GPC6: variants seen among roughly 807,000 people sequenced by gnomAD.
GPC6 encodes glypican 6, also known as glypican-6.
In GPC6, 14 loss-of-function variants were observed where a neutral mutation model predicts 55.2. The observed-to-expected ratio is 0.25, with a 90% CI of 0.17 to 0.40. The LOEUF (loss-of-function observed/expected upper bound fraction) is 0.40, where lower values mean the gene tolerates loss of function less well. GPC6 is among the 10% of genes least tolerant of loss of function. The pLI, the probability that GPC6 is intolerant of heterozygous loss-of-function variation, is 1.00. For synonymous variants in GPC6, 278 were observed against 259.6 expected, an observed-to-expected ratio of 1.07 and a Z score of -0.68; for missense variants, 641 against 708.5, an observed-to-expected ratio of 0.90 and a Z score of 1.08.
chr13:93,247,155 A>G (rs556898034), intron 1 of GPC6, among the ~76,000 whole-genome samples: 3 of 152,244 alleles, frequency 2.0e-5, no homozygotes, highest in African/African-American at 2.4e-5. Context: ...TTCTTTAAAG[A>G]GATGTTTATA....
chr13:94,308,858 C>T (rs1876091152), intron 6 of GPC6, among the ~76,000 whole-genome samples: 1 of 152,196 alleles, frequency 6.6e-6, no homozygotes, highest in African/African-American at 2.4e-5. Context: ...AGAGTCTCAG[C>T]AGCCATTGGC....
At chr13:93,676,172 T>G (rs9524167) in intron 2 of GPC6, among the ~76,000 whole-genome samples, 1 of 72,368 alleles carries the variant, frequency 1.4e-5, no homozygotes, top group Admixed American at 1.7e-4. Context: ...TATATATACA[T>G]ACACACACAC....
At chr13:93,950,299 A>G (rs1248003782) in intron 3 of GPC6, among the ~76,000 whole-genome samples, 1 of 152,218 alleles carries the variant, frequency 6.6e-6, no homozygotes, top group Admixed American at 6.5e-5. Context: ...TGCCAAGACT[A>G]TGCCTTATTT....
At chr13:93,395,240 C>A in intron 1 of GPC6, 1 of 422,912 alleles carries the variant, frequency 2.4e-6, no homozygotes, top group South Asian at 2.4e-5. Context: ...CCCACCAGAA[C>A]CACTTGCACA....
chr13:93,668,132 C>G (rs1027072904), intron 2 of GPC6, among the ~76,000 whole-genome samples: 1 of 152,166 alleles, frequency 6.6e-6, no homozygotes, highest in Non-Finnish European at 1.5e-5. Flanking sequence ...AAATTTCTCC[C>G]TGGCATGGAA....
intron 3 of GPC6, among the ~76,000 whole-genome samples, chr13:93,845,918 G>A (rs1480452341): frequency 6.6e-6 from 1 of 151,110 alleles, no homozygotes; most frequent in African/African-American, 2.4e-5. Flanking sequence ...CACCAGCATG[G>A]CACATGTATA....
chr13:93,247,039 T>A (rs2139023144), intron 1 of GPC6, among the ~76,000 whole-genome samples: 1 of 151,526 alleles, frequency 6.6e-6, no homozygotes, highest in Admixed American at 6.6e-5. Context: ...TTAACAAAAA[T>A]TTTAAGTATA....
chr13:94,132,771 C>A (rs933222751), intron 4 of GPC6, among the ~76,000 whole-genome samples: 3 of 152,138 alleles, frequency 2.0e-5, no homozygotes, highest in African/African-American at 7.2e-5. Context: ...GATTAGATCA[C>A]GGTCACGGAG....
At chr13:93,986,737 C>G (rs1416017785) in intron 3 of GPC6, among the ~76,000 whole-genome samples, 1 of 152,064 alleles carries the variant, frequency 6.6e-6, no homozygotes. Flanking sequence ...CAGGAGAAAA[C>G]CACTAACTAC....
intron 4 of GPC6, among the ~76,000 whole-genome samples, chr13:94,156,473 C>T (rs775726943): frequency 4.6e-5 from 7 of 152,154 alleles, no homozygotes; most frequent in Non-Finnish European, 7.3e-5. Context: ...TGTGATCCAA[C>T]AGGTACACCT....
chr13:94,164,244 T>G (rs1888269901), intron 4 of GPC6, among the ~76,000 whole-genome samples: 1 of 152,210 alleles, frequency 6.6e-6, no homozygotes, highest in Non-Finnish European at 1.5e-5. Context: ...ACATAGCACA[T>G]TCCCAGTAAT....
chr13:94,199,081 A>G (rs74957195), intron 4 of GPC6, among the ~76,000 whole-genome samples: 110 of 152,320 alleles, frequency 7.2e-4, no homozygotes, highest in African/African-American at 2.6e-3. Flanking sequence ...CATTTGCCAC[A>G]TGCTTGTTGA....
chr13:93,853,360 T>G (rs1468296232), intron 3 of GPC6, among the ~76,000 whole-genome samples: 1 of 151,642 alleles, frequency 6.6e-6, no homozygotes, highest in Admixed American at 6.6e-5. Flanking sequence ...AATCAGTTTA[T>G]TATCATATTA....
rs7326146 is a variant in GPC6 at position 93,852,986 on chromosome 13, G to T, written c.711+22441G>T. Among the ~76,000 whole-genome samples the T allele has an allele frequency of 4.6e-3, 702 of 151,676 alleles. 7 individuals are homozygous for T. Among genetic ancestry groups the T allele is most frequent in the African/African-American group, 0.016 (673 of 41,436 alleles). ...GCAACATATGTACCAATTTCAAGGGGATAAAATGGTAATTAAAAATCCAGT... is the reference window on the plus strand; with the variant it reads ...GCAACATATGTACCAATTTCAAGGGTATAAAATGGTAATTAAAAATCCAGT... On this transcript the variant is annotated intron_variant, in intron 3 of 8. Coordinates refer to ENST00000377047, the MANE Select transcript of GPC6 (RefSeq NM_005708.5).
intron 4 of GPC6, among the ~76,000 whole-genome samples, chr13:94,176,725 G>A (rs572762451): frequency 3.3e-5 from 5 of 152,110 alleles, no homozygotes; most frequent in Non-Finnish European, 7.4e-5. Flanking sequence ...TTATTAAGAT[G>A]AGAAGCAGAC....
chr13:93,375,396 C>T (rs867586721), intron 1 of GPC6, among the ~76,000 whole-genome samples: 26 of 152,216 alleles, frequency 1.7e-4, no homozygotes, highest in African/African-American at 4.8e-4. Flanking sequence ...TTCTTTTAAC[C>T]TCAGCTTTAC....
chr13:93,444,189 A>ATTC lies in GPC6; in HGVS notation c.161-101068_161-101066dup, dbSNP rs202092901. On this transcript the variant is annotated intron_variant, in intron 1 of 8. Transcript: ENST00000377047. ...ATTTCCAGTAAAAAGTCAAAATGCA[A>ATTC]TTCTTCTTTTTTTTTTTTTTTTTTT... 6.9e-3 allele frequency among the ~76,000 whole-genome samples: 933 copies of ATTC among 134,582 alleles called. 179 individuals carry two copies. The highest frequency in any genetic ancestry group is 0.03 in the Middle Eastern group (7 of 236). 88.3% of individuals were successfully genotyped at this position (134,582 alleles called of 152,430 possible).
chr13:93,546,124 G>C (rs1874774190), intron 2 of GPC6, among the ~76,000 whole-genome samples: 1 of 152,148 alleles, frequency 6.6e-6, no homozygotes, highest in Non-Finnish European at 1.5e-5. Context: ...AATAAATTTA[G>C]TATTTTTAGA....
chr13:94,036,790 T>G (rs975637977), intron 4 of GPC6, among the ~76,000 whole-genome samples: 1 of 150,934 alleles, frequency 6.6e-6, no homozygotes, highest in Non-Finnish European at 1.5e-5. Context: ...AAGAGATTAG[T>G]TATCTCATAG....
Sources: allele counts gnomAD v4.1 joint callset (sites outside exome capture counted in the v4.1 genomes callset), GRCh38; gene constraint gnomAD v4.1.1; transcripts MANE v1.5; gene names NCBI Gene and HGNC (gene_info 2026-07-23, HGNC 2026-07-21).